The following RUNX1T1 variants were observed in gnomAD, a reference collection of about 807,000 sequenced individuals.
RUNX1T1 encodes RUNX1 partner transcriptional co-repressor 1, also known as protein CBFA2T1.
RUNX1T1 carries 4 observed loss-of-function variants against 62.8 expected under a neutral mutation model. The ratio of observed to expected loss-of-function variants is 0.06; its 90% CI spans 0.03 to 0.15. RUNX1T1 has a LOEUF of 0.15. Ranked by LOEUF, RUNX1T1 falls within the 10% of genes least tolerant of loss-of-function variation. The probability of loss-of-function intolerance (pLI) is 1.00; values close to 1 mark genes in which losing one functional copy is unlikely to be tolerated. For synonymous variants in RUNX1T1, 291 were observed against 286.0 expected (o/e 1.02, Z -0.18); for missense variants, 508 against 754.3 (o/e 0.67, Z 3.82).
At chr8:91,980,556 A>G (rs1428178654) in intron 8 of RUNX1T1, among the ~76,000 whole-genome samples, 2 of 152,228 alleles carry the variant, frequency 1.3e-5, no homozygotes, top group Non-Finnish European at 2.9e-5. Flanking sequence ...TACTTTGTAG[A>G]TGAAAAAATA....
At chr8:92,006,433 C>T (rs1290693050) in intron 4 of RUNX1T1, 1 of 152,018 alleles carries the variant, frequency 6.6e-6, no homozygotes, top group African/African-American at 2.4e-5. Flanking sequence ...CCATGTACAC[C>T]GATTAACCCA....
intron 1 of RUNX1T1, chr8:92,095,734 G>A (rs764005690): frequency 8.9e-5 from 48 of 536,406 alleles, no homozygotes; most frequent in Non-Finnish European, 1.3e-4. Context: ...CCAGAAAGTG[G>A]GGGAGAGCTA....
intron 1 of RUNX1T1, chr8:92,095,606 G>C (rs2130937773): frequency 7.2e-7 from 1 of 1,397,744 alleles, no homozygotes; most frequent in East Asian, 2.6e-5. Context: ...GGGAGAGGGA[G>C]GAAAAGTGGG....
chr8:92,094,729 G>GTTAA (rs1223343794), intron 1 of RUNX1T1, among the ~76,000 whole-genome samples: 5 of 152,008 alleles, frequency 3.3e-5, no homozygotes, highest in Non-Finnish European at 5.9e-5. Context: ...AAATCAGGGA[G>GTTAA]GTGCATGGTG....
In RUNX1T1 at chr8:92,005,411, T is replaced by A; in HGVS notation, c.478-114A>T. ...GTATGCAATGCAGCTACATCAAAGGTCAAATGCATGCCATGGGCTGGAACC... is the reference window on the plus strand; with the variant it reads ...GTATGCAATGCAGCTACATCAAAGGACAAATGCATGCCATGGGCTGGAACC... On this transcript the variant is annotated intron_variant, in intron 4 of 10. Transcript: ENST00000396218. 4 of 866,456 alleles carry A rather than the reference T, an allele frequency of 4.6e-6. No individual in the cohort carries two copies. In the South Asian group the frequency reaches 7.1e-5, roughly 15 times the overall value. 53.7% of individuals were successfully genotyped at this position (866,456 alleles called of 1,614,324 possible).
chr8:92,048,439 G>A (rs2130319283), intron 1 of RUNX1T1, among the ~76,000 whole-genome samples: 1 of 152,168 alleles, frequency 6.6e-6, no homozygotes, highest in Middle Eastern at 3.4e-3. Context: ...AACACTTTGA[G>A]AACCCAAGGC....
intron 8 of RUNX1T1, among the ~76,000 whole-genome samples, chr8:91,983,549 A>C (rs189054273): frequency 6.6e-6 from 1 of 152,330 alleles, no homozygotes; most frequent in Non-Finnish European, 1.5e-5. Flanking sequence ...GTAGTTTAAG[A>C]AGCAAAATAA....
chr8:91,994,717 A>C (rs1818349859), intron 5 of RUNX1T1: 2 of 417,934 alleles, frequency 4.8e-6, no homozygotes, highest in Non-Finnish European at 9.5e-6. Context: ...TCCCCAAAAC[A>C]ATCAAGATTC....
At chr8:92,001,547 CTG>C (rs1254995263) in intron 5 of RUNX1T1, among the ~76,000 whole-genome samples, 1 of 152,096 alleles carries the variant, frequency 6.6e-6, no homozygotes, top group Non-Finnish European at 1.5e-5. Flanking sequence ...AAGCGTTAAA[CTG>C]AGAGTAATGT....
intron 5 of RUNX1T1, among the ~76,000 whole-genome samples, chr8:91,997,793 C>T (rs888292911): frequency 1.3e-5 from 2 of 152,184 alleles, no homozygotes; most frequent in Non-Finnish European, 2.9e-5. Context: ...TTTGTCTCCA[C>T]AGCCCAGCCA....
At chr8:92,028,947 T>C (rs1288566821) in intron 1 of RUNX1T1, among the ~76,000 whole-genome samples, 1 of 152,216 alleles carries the variant, frequency 6.6e-6, no homozygotes, top group Non-Finnish European at 1.5e-5. Context: ...ATTATTACTC[T>C]AATAACATTT....
chr8:91,985,567 A>G (rs1816379395), intron 8 of RUNX1T1, among the ~76,000 whole-genome samples: 1 of 152,198 alleles, frequency 6.6e-6, no homozygotes, highest in Non-Finnish European at 1.5e-5. Context: ...ATTTTAAAAT[A>G]GCTGTAGGCA....
chr8:92,034,307 C>T (rs1427059289), intron 1 of RUNX1T1, among the ~76,000 whole-genome samples: 2 of 152,088 alleles, frequency 1.3e-5, no homozygotes, highest in Non-Finnish European at 2.9e-5. Context: ...TCCAAAAGTA[C>T]ACTAGAGCAC....
At chr8:92,087,573 G>A (rs1836326480) in intron 1 of RUNX1T1, among the ~76,000 whole-genome samples, 3 of 152,080 alleles carry the variant, frequency 2.0e-5, no homozygotes, top group Admixed American at 2.0e-4. Context: ...AACTGATCAA[G>A]CTCCACGATC....
chr8:92,079,679 A>G (rs1428210799), intron 1 of RUNX1T1, among the ~76,000 whole-genome samples: 1 of 152,136 alleles, frequency 6.6e-6, no homozygotes, highest in Non-Finnish European at 1.5e-5. Context: ...CACACACAGA[A>G]ACACACAGTC....
At chr8:91,955,739 A>T (rs941664852), downstream of RUNX1T1, 1 of 225,174 alleles carries the variant, frequency 4.4e-6, no homozygotes, top group African/African-American at 2.2e-5. Context: ...AAGTCAGAAC[A>T]TTCAGAGGAA....
At chr8:92,067,837 AAATATGAC>A (rs1833096819), upstream of RUNX1T1, among the ~76,000 whole-genome samples, 1 of 152,220 alleles carries the variant, frequency 6.6e-6, no homozygotes, top group African/African-American at 2.4e-5. Flanking sequence ...AATGCCTTTA[AAATATGAC>A]AATATATTGT....
intron 1 of RUNX1T1, among the ~76,000 whole-genome samples, chr8:92,035,663 T>C (rs1179782767): frequency 3.3e-5 from 5 of 152,262 alleles, no homozygotes; most frequent in East Asian, 3.9e-4. Context: ...TGGAAACCCA[T>C]GACCTTACTT....
At chr8:91,965,506 T>C (rs1045598018) in intron 10 of RUNX1T1, among the ~76,000 whole-genome samples, 6 of 152,146 alleles carry the variant, frequency 3.9e-5, no homozygotes, top group Non-Finnish European at 5.9e-5. Context: ...GTTTCAATGA[T>C]CAGCTGTAAG....
Sources: gnomAD v4.1 joint callset for allele counts (sites outside exome capture counted in the v4.1 genomes callset) on GRCh38, gnomAD v4.1.1 for gene constraint, MANE v1.5 for transcripts, NCBI Gene and HGNC (gene_info 2026-07-23, HGNC 2026-07-21) for gene names.